Variants in C3orf20 observed in about 807,000 individuals in gnomAD.
C3orf20 encodes the protein uncharacterized protein C3orf20.
Under a neutral mutation model 88.3 loss-of-function variants are expected in C3orf20, and 76 were observed. That is an observed-to-expected ratio of 0.86 (90% confidence interval 0.72 to 1.04). C3orf20 has a LOEUF of 1.04. Among genes scored for constraint, C3orf20 ranks in the 50% least tolerant of loss-of-function variants. C3orf20 has a pLI of 0.00. For synonymous variants in C3orf20, 436 were observed against 437.4 expected (o/e 1.00, Z 0.04); for missense variants, 1,056 against 1,123.3 (o/e 0.94, Z 0.86).
rs372038629 is a variant in C3orf20, at chr3:14,761,597, C to T, written c.2477C>T (p.Pro826Leu). 15 of 1,613,954 alleles carry T rather than the reference C, an allele frequency of 9.3e-6. No homozygotes were observed. In the East Asian group the frequency reaches 1.1e-4, roughly 12 times the overall value. ...GATTACAAGATGGGCTACTTCCTGC[C>T]GGATGACTACAAATTCAGGTAAAAC... ...QQDYKMGYFL[P>L]DDYKFSVPNS... Residue 826 changes from proline (P) to leucine (L), a missense_variant, in exon 15 of 17, where the codon CCG becomes CTG. By Grantham distance (98) the Pro-to-Leu change is moderately conservative. Coordinates refer to ENST00000253697, the MANE Select transcript of C3orf20 (RefSeq NM_032137.5).
chr3:14,698,978 A>T (rs2033131386), intron 5 of C3orf20, among the ~76,000 whole-genome samples: 1 of 152,110 alleles, frequency 6.6e-6, no homozygotes, highest in African/African-American at 2.4e-5. Flanking sequence ...GCTGGCACTC[A>T]AACTGTGAGA....
At chr3:14,736,653 A>G (rs1368810289) in intron 12 of C3orf20, among the ~76,000 whole-genome samples, 2 of 147,736 alleles carry the variant, frequency 1.4e-5, no homozygotes, top group African/African-American at 2.5e-5. Flanking sequence ...TGCAACCTCC[A>G]CTTCCCAGGT....
chr3:14,742,013 G>A (rs574273828), intron 12 of C3orf20, among the ~76,000 whole-genome samples: 12 of 152,310 alleles, frequency 7.9e-5, no homozygotes, highest in African/African-American at 2.2e-4. Flanking sequence ...CTTCTACCTC[G>A]TCCCTGCTTT....
intron 12 of C3orf20, among the ~76,000 whole-genome samples, chr3:14,750,404 G>A (rs908236440): frequency 1.3e-5 from 2 of 151,954 alleles, no homozygotes; most frequent in African/African-American, 4.8e-5. Flanking sequence ...CTGTCTCTAC[G>A]AAACAGCCAG....
chr3:14,683,776 C>G (rs1427050218), intron 3 of C3orf20, among the ~76,000 whole-genome samples: 1 of 148,622 alleles, frequency 6.7e-6, no homozygotes, highest in Non-Finnish European at 1.5e-5. Context: ...CGCAGAAGGC[C>G]AAGGCAGGAG....
intron 5 of C3orf20, among the ~76,000 whole-genome samples, chr3:14,697,751 C>A (rs1197941669): frequency 6.7e-6 from 1 of 148,688 alleles, no homozygotes; most frequent in Admixed American, 6.8e-5. Context: ...ATGTTCCCCC[C>A]TCTGTGTGCA....
At chr3:14,718,947 TC>T (rs2034041564) in intron 9 of C3orf20, among the ~76,000 whole-genome samples, 1 of 152,164 alleles carries the variant, frequency 6.6e-6, no homozygotes, top group Non-Finnish European at 1.5e-5. Flanking sequence ...CTATGGTTGC[TC>T]CAGGTTCCAT....
intron 9 of C3orf20, among the ~76,000 whole-genome samples, chr3:14,717,964 G>T (rs748671222): frequency 1.3e-4 from 20 of 152,070 alleles, no homozygotes; most frequent in Non-Finnish European, 2.6e-4. Flanking sequence ...CTGCTTGCAA[G>T]ATTTTCTCTT....
At chr3:14,730,964 T>A (rs1485556912) in intron 12 of C3orf20, among the ~76,000 whole-genome samples, 1 of 152,210 alleles carries the variant, frequency 6.6e-6, no homozygotes, top group African/African-American at 2.4e-5. Context: ...GTCCTTCTTT[T>A]CCTCAGGGGA....
chr3:14,682,356 C>CCCAGCCCTTCCATTCCT (rs1437045471), intron 2 of C3orf20, 25 bp downstream of exon 2: 3 of 207,188 alleles, frequency 1.4e-5, no homozygotes, highest in African/African-American at 6.9e-5. Flanking sequence ...TTCTCTCTTC[C>CCCAGCCCTTCCATTCCT]CCAGCCCTTC....
chr3:14,697,557 A>AT (rs1018041240), intron 5 of C3orf20, among the ~76,000 whole-genome samples: 9 of 151,630 alleles, frequency 5.9e-5, no homozygotes, highest in East Asian at 1.9e-4. Context: ...AATTTTTATT[A>AT]TTTTTTTATT....
intron 15 of C3orf20, among the ~76,000 whole-genome samples, chr3:14,762,859 C>T (rs1306891956): frequency 6.6e-6 from 1 of 152,144 alleles, no homozygotes. Flanking sequence ...GGGCCTTGTC[C>T]GAGTGGGGCA....
intron 7 of C3orf20, among the ~76,000 whole-genome samples, chr3:14,709,199 G>C (rs1187619730): frequency 6.6e-6 from 1 of 152,190 alleles, no homozygotes; most frequent in Admixed American, 6.5e-5. Flanking sequence ...CAACTCTTTT[G>C]TGTGTGTTGA....
At chr3:14,676,467 T>C (rs887567844) in intron 1 of C3orf20, among the ~76,000 whole-genome samples, 1 of 152,258 alleles carries the variant, frequency 6.6e-6, no homozygotes, top group African/African-American at 2.4e-5. Flanking sequence ...TTAACATTTC[T>C]AAAACCGAGC....
chr3:14,728,771 G>A, intron 12 of C3orf20, 83 bp downstream of exon 12: 4 of 1,448,518 alleles, frequency 2.8e-6, no homozygotes, highest in South Asian at 2.6e-5. Flanking sequence ...AACAGATGGG[G>A]CCCCTCTCTT....
At chr3:14,680,211 A>T (rs2032013050) in intron 1 of C3orf20, among the ~76,000 whole-genome samples, 1 of 152,220 alleles carries the variant, frequency 6.6e-6, no homozygotes. Flanking sequence ...ATGCATATTC[A>T]TAGCACTATT....
intron 12 of C3orf20, 42 bp from the exon 13 acceptor site, chr3:14,757,326 TCAC>T: frequency 1.3e-6 from 2 of 1,538,960 alleles, no homozygotes; most frequent in Non-Finnish European, 1.8e-6. Context: ...CCACAGACCT[TCAC>T]CACCTTCTGA....
chr3:14,735,206 G>A (rs2034667200), intron 12 of C3orf20, among the ~76,000 whole-genome samples: 2 of 151,126 alleles, frequency 1.3e-5, no homozygotes, highest in South Asian at 4.2e-4. Context: ...AAATATTTGG[G>A]CTAATATTTT....
At chr3:14,771,932 C>T in intron 15 of C3orf20, 135 bp from the exon 16 acceptor site, 1 of 1,142,404 alleles carries the variant, frequency 8.8e-7, no homozygotes, top group Non-Finnish European at 1.2e-6. Flanking sequence ...CCAAGGAGGT[C>T]AGAGTCTCCC....
Sources: gnomAD v4.1 joint callset for allele counts (sites outside exome capture counted in the v4.1 genomes callset) on GRCh38, gnomAD v4.1.1 for gene constraint, MANE v1.5 for transcripts, NCBI Gene and HGNC (gene_info 2026-07-23, HGNC 2026-07-21) for gene names.